TMED3: variants seen among roughly 807,000 people sequenced by gnomAD.
TMED3 encodes the protein transmembrane emp24 domain-containing protein 3.
A neutral mutation model predicts 15.0 loss-of-function variants in TMED3; 9 were observed. That is an observed-to-expected ratio of 0.60 (90% CI 0.36 to 1.04). The LOEUF (loss-of-function observed/expected upper bound fraction) is 1.04, where lower values mean the gene tolerates loss of function less well. Among genes scored for constraint, TMED3 ranks in the 50% least tolerant of loss-of-function variants. TMED3 has a pLI of 0.01. For missense variants in TMED3, 267 were observed against 278.9 expected, an observed-to-expected ratio of 0.96 and a Z score of 0.30; for synonymous variants, 117 against 121.4, an observed-to-expected ratio of 0.96 and a Z score of 0.24.
intron 2 of TMED3, among the ~76,000 whole-genome samples, chr15:79,392,425 A>T (rs543154523): frequency 6.6e-6 from 1 of 152,252 alleles, no homozygotes; most frequent in South Asian, 2.1e-4. Flanking sequence ...GAGGCTGAGG[A>T]TAGGGCCCCA....
intron 2 of TMED3, among the ~76,000 whole-genome samples, chr15:79,367,041 G>A (rs1893249581): frequency 6.6e-6 from 1 of 152,116 alleles, no homozygotes. Context: ...TACCTCAAGT[G>A]GAGCTGATTA....
chr15:79,404,757 T>C (rs7167788), intron 2 of TMED3, among the ~76,000 whole-genome samples: 70,255 of 152,112 alleles, frequency 0.46, 16,641 homozygotes, highest in East Asian at 0.68. Context: ...ACTTGACCAT[T>C]TAGGGTGATG....
intron 2 of TMED3, among the ~76,000 whole-genome samples, chr15:79,332,244 A>G (rs1406285513): frequency 2.6e-5 from 4 of 152,358 alleles, no homozygotes; most frequent in East Asian, 1.9e-4. Flanking sequence ...GCAGGTAGAT[A>G]CCGCCATCAT....
intron 2 of TMED3, among the ~76,000 whole-genome samples, chr15:79,410,624 A>T (rs181043794): frequency 1.4e-4 from 21 of 152,284 alleles, no homozygotes; most frequent in African/African-American, 4.6e-4. Flanking sequence ...AAGATTTCCC[A>T]TAGGTGTTTA....
chr15:79,345,992 G>T (rs2058869892), intron 2 of TMED3, among the ~76,000 whole-genome samples: 1 of 152,088 alleles, frequency 6.6e-6, no homozygotes, highest in Non-Finnish European at 1.5e-5. Flanking sequence ...GCTTCTTAAT[G>T]GAGTTGTTTG....
chr15:79,319,200 G>C (rs751987296), intron 2 of TMED3, among the ~76,000 whole-genome samples: 11 of 152,316 alleles, frequency 7.2e-5, no homozygotes, highest in Admixed American at 3.3e-4. Flanking sequence ...ACCTTTCTAC[G>C]TGTGACATTT....
intron 2 of TMED3, among the ~76,000 whole-genome samples, chr15:79,355,400 G>T (rs1368293371): frequency 6.6e-6 from 1 of 152,140 alleles, no homozygotes; most frequent in African/African-American, 2.4e-5. Flanking sequence ...AGGTGGCTGG[G>T]CTGATTGGAG....
At chr15:79,363,832 C>T (rs8035680) in intron 2 of TMED3, among the ~76,000 whole-genome samples, 5,036 of 152,230 alleles carry the variant, frequency 0.033, 263 homozygotes, top group African/African-American at 0.11. Flanking sequence ...ACACCGGGAT[C>T]GCAGCAAGAC....
At chr15:79,325,512 A>G (rs911780452), downstream of TMED3, among the ~76,000 whole-genome samples, 7 of 152,208 alleles carry the variant, frequency 4.6e-5, no homozygotes, top group Non-Finnish European at 1.0e-4. Flanking sequence ...TATAAAATGA[A>G]CACGTGTATT....
rs186716122 is a variant in TMED3 at position 79,319,854 on chromosome 15, T to C, written c.418-2124T>C. ...ATTATTTCTGCATATCAGAGACTTTTAGTACTTTCACTAATTTGCTACTGC... is the reference window on the plus strand; with the variant it reads ...ATTATTTCTGCATATCAGAGACTTTCAGTACTTTCACTAATTTGCTACTGC... On this transcript the variant is annotated intron_variant, in intron 2 of 2. Coordinates refer to ENST00000299705, the MANE Select transcript of TMED3 (RefSeq NM_007364.4). 2.0e-5 allele frequency among the ~76,000 whole-genome samples: 3 copies of C among 152,340 alleles called. No individual in the cohort carries two copies. In the East Asian group the frequency reaches 5.8e-4, roughly 29 times the overall value.
chr15:79,411,209 T>C (rs1289450687), intron 2 of TMED3, among the ~76,000 whole-genome samples: 1 of 152,150 alleles, frequency 6.6e-6, no homozygotes, highest in Non-Finnish European at 1.5e-5. Context: ...GAGCTCCCCA[T>C]TTCTGGCAGG....
At chr15:79,344,912 G>T (rs944073768) in intron 2 of TMED3, among the ~76,000 whole-genome samples, 1 of 152,354 alleles carries the variant, frequency 6.6e-6, no homozygotes, top group East Asian at 1.9e-4. Context: ...TTGAGCAGTA[G>T]CCGGAAGGAG....
chr15:79,380,581 T>TTA (rs375808118), intron 2 of TMED3, among the ~76,000 whole-genome samples: 32 of 102,880 alleles, frequency 3.1e-4, no homozygotes, highest in African/African-American at 1.2e-4. Context: ...ATATATAGTT[T>TTA]TATATATATA....
intron 2 of TMED3, among the ~76,000 whole-genome samples, chr15:79,368,643 C>T (rs1893281731): frequency 6.6e-6 from 1 of 152,050 alleles, no homozygotes; most frequent in Admixed American, 6.5e-5. Flanking sequence ...CTAGGTGAGG[C>T]CAAAACTGTA....
At chr15:79,339,973 C>T (rs1433863864) in intron 2 of TMED3, among the ~76,000 whole-genome samples, 1 of 151,886 alleles carries the variant, frequency 6.6e-6, no homozygotes, top group Admixed American at 6.6e-5. Context: ...CTCTGAGCCA[C>T]ACCACACACA....
chr15:79,343,193 G>A (rs2058857584), intron 2 of TMED3, among the ~76,000 whole-genome samples: 2 of 152,098 alleles, frequency 1.3e-5, no homozygotes, highest in South Asian at 4.1e-4. Flanking sequence ...AAGCTTTCAG[G>A]CCATGATGGG....
intron 2 of TMED3, among the ~76,000 whole-genome samples, chr15:79,371,636 G>A (rs77536883): frequency 6.6e-6 from 1 of 152,170 alleles, no homozygotes; most frequent in Non-Finnish European, 1.5e-5. Context: ...AACCACAGGG[G>A]TATCTAAACT....
chr15:79,355,932 T>C (rs1268793414), intron 2 of TMED3, among the ~76,000 whole-genome samples: 1 of 152,202 alleles, frequency 6.6e-6, no homozygotes, highest in African/African-American at 2.4e-5. Context: ...AAGTTTTAAG[T>C]GGGAGGTTTA....
chr15:79,398,292 T>C (rs1471735187), intron 2 of TMED3, among the ~76,000 whole-genome samples: 3 of 152,124 alleles, frequency 2.0e-5, no homozygotes, highest in Admixed American at 2.0e-4. Flanking sequence ...TCAAGATTCC[T>C]TCATGTCATT....
Sources: allele counts gnomAD v4.1 joint callset (sites outside exome capture counted in the v4.1 genomes callset), GRCh38; gene constraint gnomAD v4.1.1; transcripts MANE v1.5; gene names NCBI Gene and HGNC (gene_info 2026-07-23, HGNC 2026-07-21).